Variants in RPL36AL observed in about 807,000 individuals in gnomAD.
RPL36AL encodes ribosomal protein L36a like, also known as ribosomal protein eL42-like.
A neutral mutation model predicts 7.9 loss-of-function variants in RPL36AL; 8 were observed. That is an observed-to-expected ratio of 1.02 (90% CI 0.60 to 1.84). The LOEUF (loss-of-function observed/expected upper bound fraction) is 1.84. Among genes scored for constraint, RPL36AL ranks in the 40% most tolerant of loss-of-function variants. The pLI is 0.00. For synonymous variants in RPL36AL, 44 were observed against 44.8 expected, an observed-to-expected ratio of 0.98 and a Z score of 0.07; for missense variants, 76 against 126.8, an observed-to-expected ratio of 0.60 and a Z score of 1.93.
chr14:49,619,859 G>A (rs560377651), intron 1 of RPL36AL, among the ~76,000 whole-genome samples: 1 of 152,272 alleles, frequency 6.6e-6, no homozygotes, highest in East Asian at 1.9e-4. Flanking sequence ...ACAAATTCCA[G>A]GAACGCGGAC....
At chr14:49,619,298 A>G (rs746281352) in intron 1 of RPL36AL, among the ~76,000 whole-genome samples, 158 bp from the exon 2 acceptor site, 1 of 152,242 alleles carries the variant, frequency 6.6e-6, no homozygotes, top group Non-Finnish European at 1.5e-5. Context: ...ATACAAGTAC[A>G]TACCTTTTTG....
chr14:49,619,129 A>C lies in RPL36AL; in HGVS notation c.-25T>G, dbSNP rs775280776. 8 of 1,566,784 alleles carry C rather than the reference A, an allele frequency of 5.1e-6. No individual in the cohort carries two copies. The highest frequency in any genetic ancestry group is 4.5e-5 in the East Asian group (2 of 44,498). ...TCTTTGCAGCAGGGCTGTTTTGTCT[A>C]TATGATGAAAACTGTAGTAAAATAT... On this transcript the variant is annotated 5_prime_UTR_variant, in exon 2 of 2. Transcript: ENST00000298289.
Position 49,620,584 on chromosome 14 carries a change from G to T in RPL36AL, c.-59C>A, listed in dbSNP as rs183789142. The T allele has an allele frequency of 2.9e-4, 58 of 199,392 alleles. No homozygotes were observed. The highest frequency in any genetic ancestry group is 1.2e-3 in the African/African-American group (53 of 42,920). 12.4% of individuals were successfully genotyped at this position (199,392 alleles called of 1,614,324 possible). On this transcript the variant is annotated 5_prime_UTR_variant, in exon 1 of 2. Coordinates refer to ENST00000298289, the MANE Select transcript of RPL36AL (RefSeq NM_001001.5). ...TACCGAGAAACAGCGCCCGACACCT[G>T]GCCCTTCGCAGCTCTCGCCTTTCGC... is the stretch of plus-strand genomic sequence containing the variant.
Position 49,619,019 on chromosome 14 carries a change from C to A in RPL36AL, c.86G>T (p.Gly29Val). Residue 29 changes from glycine to valine, a missense_variant, in exon 2 of 2, where the codon GGC becomes GTC. Gly to Val is a moderately radical substitution (Grantham distance 109). Transcript: ENST00000298289. ...QPHKVTQYKK[G>V]KDSLYAQGRR... ...TCCCTGGGCATACAAAGAATCCTTG[C>A]CCTTCTTATACTGTGTCACTTTGTG... 1 of 1,613,978 alleles carries A rather than the reference C, an allele frequency of 6.2e-7. No homozygotes were observed. The highest frequency in any genetic ancestry group is 8.5e-7 in the Non-Finnish European group (1 of 1,179,874).
At chr14:49,620,258 G>A (rs865885758) in intron 1 of RPL36AL, among the ~76,000 whole-genome samples, 11 of 152,028 alleles carry the variant, frequency 7.2e-5, no homozygotes, top group African/African-American at 2.7e-4. Context: ...TGTAGCTACG[G>A]TTACGACCCG....
In RPL36AL at chr14:49,618,667, A is replaced by G; in HGVS notation, c.*117T>C. The G allele has an allele frequency of 1.3e-6, 1 of 776,610 alleles. No homozygotes were observed. 48.1% of individuals were successfully genotyped at this position (776,610 alleles called of 1,614,324 possible). A position where few individuals can be genotyped will look rare whatever the true frequency, so the allele number is the denominator to read the frequency against. ...CTACACTAAACATGGAATTCTATTT[A>G]TAAGTAAAAACCACAAAAAGTTTGC... On this transcript the variant is annotated 3_prime_UTR_variant, in exon 2 of 2. Transcript: ENST00000298289.
chr14:49,619,283 C>T, intron 1 of RPL36AL, 143 bp from the exon 2 acceptor site: 3 of 593,162 alleles, frequency 5.1e-6, no homozygotes, highest in Admixed American at 6.4e-5. Flanking sequence ...TATGAATAAA[C>T]GCACATACAA....
chr14:49,619,199 G>A (rs1882756908), intron 1 of RPL36AL, 59 bp from the exon 2 acceptor site: 4 of 1,130,924 alleles, frequency 3.5e-6, no homozygotes, highest in Admixed American at 4.8e-5. Flanking sequence ...AAGTGAAAGT[G>A]CTATACAAGT....
At position 49,618,881 on chromosome 14, in the gene RPL36AL, G is replaced by C; in HGVS notation, c.224C>G (p.Pro75Arg). ...CAGCATCCTCTTGGATCTGCAGTTA[G>C]GCTCAACACATTCCAGCCTTAGCAC... is the stretch of plus-strand genomic sequence containing the variant. ...KIVLRLECVEPNCRSKRMLAI... is the reference protein window; with the variant it reads ...KIVLRLECVERNCRSKRMLAI... Residue 75 changes from proline (P) to arginine (R), a missense_variant, in exon 2 of 2, where the codon CCT becomes CGT. Physicochemically the swap from Pro to Arg is moderately radical, Grantham distance 103 (BLOSUM62 -2). Transcript: ENST00000298289. 1 of 1,612,602 alleles carries C rather than the reference G, an allele frequency of 6.2e-7. No individual in the cohort carries two copies. Among genetic ancestry groups the C allele is most frequent in the Non-Finnish European group, 8.5e-7 (1 of 1,179,860 alleles).
intron 1 of RPL36AL, among the ~76,000 whole-genome samples, chr14:49,619,743 G>T (rs1409819560): frequency 6.6e-6 from 1 of 152,222 alleles, no homozygotes; most frequent in Non-Finnish European, 1.5e-5. Context: ...AGCAGCAGTT[G>T]CAAGTGGGTT....
chr14:49,619,434 G>T (rs1882766433), intron 1 of RPL36AL, among the ~76,000 whole-genome samples: 1 of 152,170 alleles, frequency 6.6e-6, no homozygotes, highest in Non-Finnish European at 1.5e-5. Context: ...GATCACCTGA[G>T]GTCCGGAGTT....
intron 1 of RPL36AL, 54 bp from the exon 2 acceptor site, chr14:49,619,194 A>G (rs1882756581): frequency 2.5e-6 from 3 of 1,178,364 alleles, no homozygotes; most frequent in East Asian, 2.4e-5. Flanking sequence ...CCGAAAAGTG[A>G]AAGTGCTATA....
intron 1 of RPL36AL, among the ~76,000 whole-genome samples, chr14:49,619,751 G>C (rs1882778695): frequency 6.6e-6 from 1 of 152,176 alleles, no homozygotes; most frequent in Non-Finnish European, 1.5e-5. Flanking sequence ...TTGCAAGTGG[G>C]TTTTTAGAGG....
rs2985698 is a variant in RPL36AL, at chr14:49,618,693, G to A, written c.*91C>T. The A allele has an allele frequency of 1.7e-5, 18 of 1,072,392 alleles. No homozygotes were observed. Among genetic ancestry groups the A allele is most frequent in the South Asian group, 4.6e-5 (3 of 65,504 alleles). The allele number at this position is 1,072,392 out of a possible 1,614,324, so 66.4% of individuals were successfully genotyped here. A position where few individuals can be genotyped will look rare whatever the true frequency, so the allele number is the denominator to read the frequency against. ...TAAGTAAAAACCACAAAAAGTTTGC[G>A]TAAGAATATCACTGTATTTATTTTC... is the stretch of plus-strand genomic sequence containing the variant. On this transcript the variant is annotated 3_prime_UTR_variant, in exon 2 of 2. Coordinates refer to ENST00000298289, the MANE Select transcript of RPL36AL (RefSeq NM_001001.5).
rs755860466 is a variant in RPL36AL at position 49,618,962 on chromosome 14, T to C, written c.143A>G (p.Tyr48Cys). ...RRRYDRKQSG[Y>C]GGQTKPIFRK... ...GAAAATTGGCTTTGTCTGCCCACCA[T>C]AGCCACTCTGCTTCCGATCATAGCG... Residue 48 changes from tyrosine (Y) to cysteine (C), a missense_variant, in exon 2 of 2, where the codon TAT (tyrosine) becomes TGT (cysteine). Transcript: ENST00000298289. The C allele has an allele frequency of 1.2e-5, 20 of 1,613,844 alleles. No individual in the cohort carries two copies. The highest frequency in any genetic ancestry group is 1.7e-5 in the Admixed American group (1 of 59,992).
In RPL36AL at chr14:49,620,610, A is replaced by G. The variant is rs1036987946; in HGVS notation, c.-85T>C. On this transcript the variant is annotated 5_prime_UTR_variant, in exon 1 of 2. Transcript: ENST00000298289. Reference sequence around the variant, plus strand: ...GCCCTTCGCAGCTCTCGCCTTTCGCAGCTCTCGCCTAACAGGAAAGGGAAG... The same window carrying G: ...GCCCTTCGCAGCTCTCGCCTTTCGCGGCTCTCGCCTAACAGGAAAGGGAAG... 24 of 230,472 alleles carry G rather than the reference A, an allele frequency of 1.0e-4. No individual in the cohort carries two copies. The highest frequency in any genetic ancestry group is 1.7e-4 in the Non-Finnish European group (20 of 118,550). The allele number at this position is 230,472 out of a possible 1,614,324, so 14.3% of individuals were successfully genotyped here.
In RPL36AL at chr14:49,620,592, G is replaced by A. The variant is rs1882808091; in HGVS notation, c.-67C>T. 9.8e-6 allele frequency: 2 copies of A among 204,018 alleles called. No individual in the cohort carries two copies. The highest frequency in any genetic ancestry group is 1.8e-3 in the Middle Eastern group (1 of 548). The allele number at this position is 204,018 out of a possible 1,614,324, so 12.6% of individuals were successfully genotyped here. On this transcript the variant is annotated 5_prime_UTR_variant, in exon 1 of 2. Coordinates refer to ENST00000298289, the MANE Select transcript of RPL36AL (RefSeq NM_001001.5). ...AACAGCGCCCGACACCTGGCCCTTC[G>A]CAGCTCTCGCCTTTCGCAGCTCTCG...
At chr14:49,619,931 A>C (rs1405616632) in intron 1 of RPL36AL, among the ~76,000 whole-genome samples, 1 of 152,156 alleles carries the variant, frequency 6.6e-6, no homozygotes, top group Non-Finnish European at 1.5e-5. Flanking sequence ...AGGTGTCTGA[A>C]GTCCCATACT....
Position 49,619,098 on chromosome 14 carries a change from T to C in RPL36AL, c.7A>G (p.Asn3Asp). The C allele has an allele frequency of 6.2e-7, 1 of 1,607,282 alleles. No homozygotes were observed. The change falls in exon 2 of 2, where the codon AAC (asparagine) becomes GAC (aspartate). Residue 3 changes from asparagine (N) to aspartate (D), a missense_variant. Coordinates refer to ENST00000298289, the MANE Select transcript of RPL36AL (RefSeq NM_001001.5). MV[N>D]VPKTRRTFCK... is the part of the protein sequence containing the mutation. ...AAGGTTCTTCGGGTTTTAGGTACGT[T>C]GACCATCTTTGCAGCAGGGCTGTTT...
Sources: gnomAD v4.1 joint callset for allele counts (sites outside exome capture counted in the v4.1 genomes callset) on GRCh38, gnomAD v4.1.1 for gene constraint, MANE v1.5 for transcripts, NCBI Gene and HGNC (gene_info 2026-07-23, HGNC 2026-07-21) for gene names.